The following FXYD6 variants were observed in gnomAD, a reference collection of about 807,000 sequenced individuals.
FXYD6 encodes the protein FXYD domain containing ion transport regulator 6.
A neutral mutation model predicts 16.7 loss-of-function variants in FXYD6; 7 were observed. The observed-to-expected ratio is 0.42, with a 90% CI of 0.24 to 0.79. The LOEUF (loss-of-function observed/expected upper bound fraction) is 0.79. FXYD6 is among the 30% of genes least tolerant of loss of function. The pLI is 0.28. For synonymous variants in FXYD6, 49 were observed against 43.0 expected, an observed-to-expected ratio of 1.14 and a Z score of -0.54; for missense variants, 111 against 116.2, an observed-to-expected ratio of 0.95 and a Z score of 0.21.
intron 2 of FXYD6, 131 bp from the exon 3 acceptor site, chr11:117,842,159 C>T (rs2056362115): frequency 7.1e-7 from 1 of 1,407,772 alleles, no homozygotes; most frequent in Non-Finnish European, 9.8e-7. Flanking sequence ...AACAGAGATG[C>T]CTAGAGGTGC....
intron 1 of FXYD6, among the ~76,000 whole-genome samples, chr11:117,856,661 C>T (rs1004052223): frequency 6.6e-5 from 10 of 152,054 alleles, no homozygotes; most frequent in African/African-American, 1.4e-4. Context: ...TAGCCTATGA[C>T]GTATCTAGAT....
intron 1 of FXYD6, among the ~76,000 whole-genome samples, chr11:117,874,599 T>C (rs542672388): frequency 6.6e-6 from 1 of 152,350 alleles, no homozygotes; most frequent in African/African-American, 2.4e-5. Context: ...TTGGCTTTCC[T>C]GGGACAGTAA....
At position 117,872,601 on chromosome 11, in the gene FXYD6, C is replaced by T. The variant is rs2057163276; in HGVS notation, c.-6+3991G>A. On this transcript the variant is annotated intron_variant, in intron 1 of 7. Coordinates refer to ENST00000526014, the MANE Select transcript of FXYD6 (RefSeq NM_022003.4). The surrounding 1 kb of genome is among the most constrained non-coding windows in gnomAD (Gnocchi z 4.9). ...GGGTCACTGTTATTCTAACTACACC[C>T]CTTCATCCTTGGCCCTCTCTGCCCA... is the stretch of plus-strand genomic sequence containing the variant. Among the ~76,000 whole-genome samples the T allele has an allele frequency of 6.6e-6, 1 of 152,182 alleles. No homozygotes were observed. Among genetic ancestry groups the T allele is most frequent in the South Asian group, 2.1e-4 (1 of 4,828 alleles).
At chr11:117,840,204 G>A in intron 6 of FXYD6, 115 bp downstream of exon 6, 1 of 1,397,516 alleles carries the variant, frequency 7.2e-7, no homozygotes, top group Non-Finnish European at 1.0e-6. Context: ...CACTCTCCTG[G>A]CACTGCGGGA....
At chr11:117,862,699 G>C (rs376074030) in intron 1 of FXYD6, among the ~76,000 whole-genome samples, 1 of 152,182 alleles carries the variant, frequency 6.6e-6, no homozygotes, top group Admixed American at 6.5e-5. Flanking sequence ...TCTCTAGAAG[G>C]GTTGGGCCCT....
rs551892583 is a variant in FXYD6 at position 117,838,049 on chromosome 11, AC to A, written c.*249del. ...TTAGCAAACACACACAGTCACACAC[AC>A]ACACACACACACACACATCACGGGA... On this transcript the variant is annotated 3_prime_UTR_variant, in exon 8 of 8. Transcript: ENST00000526014. 1,125 of 644,022 alleles carry A rather than the reference AC, an allele frequency of 1.7e-3. 11 individuals carry two copies. In the African/African-American group the frequency reaches 0.019, roughly 11 times the overall value. 39.9% of individuals were successfully genotyped at this position (644,022 alleles called of 1,614,324 possible). A position where few individuals can be genotyped will look rare whatever the true frequency, so the allele number is the denominator to read the frequency against.
intron 4 of FXYD6, chr11:117,841,580 T>G (rs1591552020): frequency 1.6e-6 from 1 of 623,178 alleles, no homozygotes; most frequent in Non-Finnish European, 2.8e-6. Flanking sequence ...CTATGCTCAT[T>G]GTCATATGAC....
intron 1 of FXYD6, among the ~76,000 whole-genome samples, chr11:117,867,920 T>C (rs749808259): frequency 1.3e-5 from 2 of 152,128 alleles, no homozygotes; most frequent in Non-Finnish European, 2.9e-5. Flanking sequence ...ACCCGGGCAG[T>C]GTAGCCAAGG....
At chr11:117,851,648 G>A (rs953794439) in intron 1 of FXYD6, among the ~76,000 whole-genome samples, 4 of 152,158 alleles carry the variant, frequency 2.6e-5, no homozygotes, top group Non-Finnish European at 5.9e-5. Context: ...GTTTTTGAAC[G>A]TTAGTCATCC....
intron 1 of FXYD6, among the ~76,000 whole-genome samples, chr11:117,871,890 T>A (rs937692055): frequency 2.6e-5 from 4 of 152,182 alleles, no homozygotes; most frequent in Non-Finnish European, 5.9e-5. Flanking sequence ...ACTGCCACCC[T>A]CTACTCGGCA....
chr11:117,857,262 AG>A (rs2056753365), intron 1 of FXYD6, among the ~76,000 whole-genome samples: 1 of 152,202 alleles, frequency 6.6e-6, no homozygotes, highest in Non-Finnish European at 1.5e-5. Flanking sequence ...TGATGAGAAC[AG>A]GTCTTTCCCA....
chr11:117,873,335 C>G (rs2057180068), intron 1 of FXYD6, among the ~76,000 whole-genome samples: 1 of 152,218 alleles, frequency 6.6e-6, no homozygotes, highest in South Asian at 2.1e-4. Context: ...TAGAGGAAGA[C>G]ATGCCTTGGA....
chr11:117,856,415 C>T (rs371374831), intron 1 of FXYD6, among the ~76,000 whole-genome samples: 10 of 152,258 alleles, frequency 6.6e-5, no homozygotes, highest in African/African-American at 1.9e-4. Context: ...AAGCTTCACT[C>T]GCCTCCCCTG....
At chr11:117,840,410 G>A (rs773300077) in intron 5 of FXYD6, 42 bp from the exon 6 acceptor site, 3 of 1,613,718 alleles carry the variant, frequency 1.9e-6, no homozygotes, top group South Asian at 1.1e-5. Context: ...GAGATCTCCA[G>A]GGCAGACCCA....
intron 1 of FXYD6, among the ~76,000 whole-genome samples, chr11:117,869,953 C>G (rs2057099381): frequency 6.6e-6 from 1 of 152,234 alleles, no homozygotes; most frequent in Admixed American, 6.5e-5. Context: ...CCTCTCTGCC[C>G]ACATCAGATA....
rs111299410 is a variant in FXYD6, at chr11:117,841,218, G to C, written c.173-34C>G. 896 of 1,614,022 alleles carry C rather than the reference G, an allele frequency of 5.6e-4. 13 individuals carry two copies. The African/African-American group carries it at 0.011, about 19-fold the overall frequency. ...CAAAGAAACCATCCAAGGTCATGCT[G>C]CTGGCTTGGCCACAGCAGGGCCAAG... On this transcript the variant is annotated intron_variant, in intron 4 of 7. Coordinates refer to ENST00000526014, the MANE Select transcript of FXYD6 (RefSeq NM_022003.4).
Position 117,872,101 on chromosome 11 carries a change from G to C in FXYD6, c.-6+4491C>G, listed in dbSNP as rs2057151096. On this transcript the variant is annotated intron_variant, in intron 1 of 7. Coordinates refer to ENST00000526014, the MANE Select transcript of FXYD6 (RefSeq NM_022003.4). This position sits in a 1 kb window ranked among gnomAD's most constrained non-coding sequence, Gnocchi z 4.9. ...GCAGAGGAGTGGCAAACCTGGACCT[G>C]AGCTGTAACATCAGTGGGTAAAATG... 6.6e-6 allele frequency among the ~76,000 whole-genome samples: 1 copy of C among 152,142 alleles called. No individual in the cohort carries two copies. The highest frequency in any genetic ancestry group is 2.4e-5 in the African/African-American group (1 of 41,414).
rs976352571 is a variant in FXYD6, at chr11:117,855,751, G to A, written c.-5-12970C>T. Among the ~76,000 whole-genome samples, 11 of 152,204 alleles carry A rather than the reference G, an allele frequency of 7.2e-5. No individual in the cohort carries two copies. In the East Asian group the frequency reaches 7.7e-4, roughly 11 times the overall value. ...AGGGCACAGGAACAGGGCATGCACC[G>A]CCACCTGCGCACTGGGCCCTGGACC... On this transcript the variant is annotated intron_variant, in intron 1 of 7. Coordinates refer to ENST00000526014, the MANE Select transcript of FXYD6 (RefSeq NM_022003.4).
intron 1 of FXYD6, among the ~76,000 whole-genome samples, chr11:117,848,290 C>T (rs373763482): frequency 5.9e-5 from 9 of 152,008 alleles, no homozygotes; most frequent in East Asian, 5.8e-4. Context: ...TAATTATGAA[C>T]GAGTGTTCTA....
Sources: gnomAD v4.1 joint callset for allele counts (sites outside exome capture counted in the v4.1 genomes callset) on GRCh38, gnomAD v4.1.1 for gene constraint, Gnocchi (gnomAD v3.1) non-coding constraint, MANE v1.5 for transcripts, NCBI Gene and HGNC (gene_info 2026-07-23, HGNC 2026-07-21) for gene names.